MDGA2: variants seen among roughly 807,000 people sequenced by gnomAD.
MDGA2 encodes the protein MAM domain-containing glycosylphosphatidylinositol anchor protein 2.
Under a neutral mutation model 117.8 loss-of-function variants are expected in MDGA2, and 40 were observed. The ratio of observed to expected loss-of-function variants is 0.34; its 90% confidence interval spans 0.26 to 0.44. The LOEUF is 0.44. Ranked by LOEUF, MDGA2 falls within the 20% of genes least tolerant of loss-of-function variation. The probability of loss-of-function intolerance (pLI) is 1.00; values close to 1 mark genes in which losing one functional copy is unlikely to be tolerated. For missense variants in MDGA2, 1,123 were observed against 1,250.6 expected (o/e 0.90, Z 1.54); for synonymous variants, 452 against 439.0 (o/e 1.03, Z -0.37).
chr14:47,626,868 C>T (rs182613066), intron 1 of MDGA2, among the ~76,000 whole-genome samples: 1 of 152,356 alleles, frequency 6.6e-6, no homozygotes, highest in African/African-American at 2.4e-5. Flanking sequence ...CGCCCAGAAC[C>T]GCCCAAGGGC....
At chr14:46,990,227 C>T (rs1887033984) in intron 8 of MDGA2, among the ~76,000 whole-genome samples, 1 of 151,928 alleles carries the variant, frequency 6.6e-6, no homozygotes, top group South Asian at 2.1e-4. Context: ...TCCCTTACTC[C>T]CTCTCAGCTA....
intron 6 of MDGA2, among the ~76,000 whole-genome samples, chr14:47,062,337 G>A (rs1326334466): frequency 6.6e-6 from 1 of 151,942 alleles, no homozygotes; most frequent in Non-Finnish European, 1.5e-5. Flanking sequence ...TAAAGGCAGT[G>A]CTGTTTTCAC....
At chr14:47,370,650 T>C (rs1181725557) in intron 1 of MDGA2, among the ~76,000 whole-genome samples, 2 of 151,294 alleles carry the variant, frequency 1.3e-5, no homozygotes, top group Non-Finnish European at 3.0e-5. Flanking sequence ...TTGTATATAA[T>C]TCAAATTCAT....
At chr14:47,372,243 T>C (rs1214182159) in intron 1 of MDGA2, among the ~76,000 whole-genome samples, 1 of 151,726 alleles carries the variant, frequency 6.6e-6, no homozygotes, top group African/African-American at 2.4e-5. Context: ...AAAGAATAGA[T>C]ATATTTGCAT....
intron 10 of MDGA2, among the ~76,000 whole-genome samples, chr14:46,913,721 C>G (rs12589430): frequency 9.2e-5 from 14 of 152,120 alleles, no homozygotes; most frequent in Non-Finnish European, 1.5e-4. Flanking sequence ...GAAGTTTGCA[C>G]CTCAGTGATC....
chr14:46,927,008 A>G lies in MDGA2; in HGVS notation c.2090-6848T>C, dbSNP rs1884358802. Among the ~76,000 whole-genome samples the G allele has an allele frequency of 2.0e-5, 3 of 152,178 alleles. No individual in the cohort carries two copies. The South Asian group carries it at 6.2e-4, about 31-fold the overall frequency. On this transcript the variant is annotated intron_variant, in intron 9 of 16. Transcript: ENST00000399232. The stretch of plus-strand genomic sequence containing the variant: ...TTTCAGTCTTGAGAGAAGAATGGTC[A>G]CTAGCGTCTCTAACTGAGAGGGAAA...
chr14:47,129,099 T>TC (rs1354372694), intron 5 of MDGA2, among the ~76,000 whole-genome samples: 1 of 151,386 alleles, frequency 6.6e-6, no homozygotes, highest in African/African-American at 2.4e-5. Flanking sequence ...TTTTTTTTTT[T>TC]CTTTTATTAT....
At chr14:46,981,662 C>T (rs989190398) in intron 8 of MDGA2, among the ~76,000 whole-genome samples, 1 of 152,114 alleles carries the variant, frequency 6.6e-6, no homozygotes, top group African/African-American at 2.4e-5. Context: ...TAAGTTTTCA[C>T]AAGAAGAGCG....
At chr14:46,943,649 A>C (rs1346501301) in intron 9 of MDGA2, among the ~76,000 whole-genome samples, 2 of 152,076 alleles carry the variant, frequency 1.3e-5, no homozygotes, top group East Asian at 3.9e-4. Context: ...CCCACATCAC[A>C]AATGTAATAA....
chr14:46,881,842 ATC>A (rs764881402), intron 11 of MDGA2, among the ~76,000 whole-genome samples, 200 bp downstream of exon 11: 40 of 152,184 alleles, frequency 2.6e-4, no homozygotes, highest in African/African-American at 8.4e-4. Flanking sequence ...ATTATTCTAT[ATC>A]TCTACATTTG....
At chr14:47,234,185 C>A (rs1886783609) in intron 2 of MDGA2, among the ~76,000 whole-genome samples, 1 of 150,964 alleles carries the variant, frequency 6.6e-6, no homozygotes, top group Non-Finnish European at 1.5e-5. Context: ...TATGTGTGTG[C>A]ATATATGCTA....
At chr14:47,210,899 C>G (rs1324472561) in intron 3 of MDGA2, among the ~76,000 whole-genome samples, 2 of 152,130 alleles carry the variant, frequency 1.3e-5, no homozygotes, top group Admixed American at 1.3e-4. Context: ...GGGAGGATCC[C>G]TTGAGCCCAG....
intron 1 of MDGA2, among the ~76,000 whole-genome samples, chr14:47,460,651 C>T (rs1452936515): frequency 6.6e-6 from 1 of 152,100 alleles, no homozygotes; most frequent in East Asian, 1.9e-4. Flanking sequence ...TCATGAGGCT[C>T]ATCCAAGGAT....
At chr14:47,437,527 T>C (rs1278368229) in intron 1 of MDGA2, among the ~76,000 whole-genome samples, 2 of 152,164 alleles carry the variant, frequency 1.3e-5, no homozygotes, top group African/African-American at 4.8e-5. Context: ...TTAGTGGCTA[T>C]AGTATTTCCT....
intron 1 of MDGA2, among the ~76,000 whole-genome samples, chr14:47,651,387 G>A (rs58736986): frequency 0.077 from 11,668 of 152,082 alleles, 1,467 homozygotes; most frequent in African/African-American, 0.27. Context: ...TAGCGCTTCC[G>A]TGGGATGAAA....
chr14:47,241,174 C>T (rs1399584632), intron 2 of MDGA2, among the ~76,000 whole-genome samples: 1 of 151,828 alleles, frequency 6.6e-6, no homozygotes, highest in Non-Finnish European at 1.5e-5. Flanking sequence ...TTCCTTAAAA[C>T]AAGTGTAACT....
chr14:46,949,532 C>A (rs1885294045), intron 9 of MDGA2, among the ~76,000 whole-genome samples: 1 of 151,890 alleles, frequency 6.6e-6, no homozygotes, highest in Non-Finnish European at 1.5e-5. Flanking sequence ...TTGGAATCCC[C>A]AGAGTCTATT....
chr14:47,326,308 C>A (rs911659543), intron 1 of MDGA2, among the ~76,000 whole-genome samples: 1 of 152,074 alleles, frequency 6.6e-6, no homozygotes, highest in African/African-American at 2.4e-5. Flanking sequence ...ATGCACTTTA[C>A]TCATACCAAT....
chr14:47,292,049 G>A (rs1888909427), intron 2 of MDGA2, among the ~76,000 whole-genome samples: 1 of 152,218 alleles, frequency 6.6e-6, no homozygotes, highest in South Asian at 2.1e-4. Flanking sequence ...GTGTGATTTT[G>A]TTCCAGTGAA....
Sources: allele counts gnomAD v4.1 joint callset (sites outside exome capture counted in the v4.1 genomes callset), GRCh38; gene constraint gnomAD v4.1.1; transcripts MANE v1.5; gene names NCBI Gene and HGNC (gene_info 2026-07-23, HGNC 2026-07-21).